Variants in ARHGAP35 observed in about 807,000 individuals in gnomAD.
The protein encoded by ARHGAP35 is rho GTPase-activating protein 35.
In ARHGAP35, 15 loss-of-function variants were observed where a neutral mutation model predicts 111.1. The ratio of observed to expected loss-of-function variants is 0.13; its 90% CI spans 0.09 to 0.21. The LOEUF (loss-of-function observed/expected upper bound fraction) is 0.21. Ranked by LOEUF, ARHGAP35 falls within the 10% of genes least tolerant of loss-of-function variation. ARHGAP35 has a pLI of 1.00. For synonymous variants in ARHGAP35, 643 were observed against 710.3 expected (o/e 0.91, Z 1.51); for missense variants, 1,262 against 1,873.0 (o/e 0.67, Z 6.02).
chr19:46,978,893 GGGGGTGTGTGTGGT>G lies in ARHGAP35; in HGVS notation c.3827-9083_3827-9070del, dbSNP rs1176224151. On this transcript the variant is annotated intron_variant, in intron 3 of 6. Coordinates refer to ENST00000672722, the MANE Select transcript of ARHGAP35 (RefSeq NM_004491.5). Reference sequence around the variant, plus strand: ...TTTGGTGGGATTGTGTGTGTGGTGTGGGGGTGTGTGTGGTGGGGTGTGTGTGTGGTGGGGTTTGT... The same window carrying G: ...TTTGGTGGGATTGTGTGTGTGGTGTGGGGGTGTGTGTGTGGTGGGGTTTGT... 4.1e-4 allele frequency among the ~76,000 whole-genome samples: 53 copies of G among 128,510 alleles called. No individual in the cohort carries two copies. In the East Asian group the frequency reaches 0.013, roughly 31 times the overall value. 84.3% of individuals were successfully genotyped at this position (128,510 alleles called of 152,430 possible).
intron 1 of ARHGAP35, among the ~76,000 whole-genome samples, chr19:46,896,311 T>A (rs1405331867): frequency 6.6e-6 from 1 of 152,012 alleles, no homozygotes; most frequent in Non-Finnish European, 1.5e-5. Context: ...GCCCGGGAGG[T>A]CAAGGCTGCA....
chr19:46,926,535 G>GA lies in ARHGAP35; in HGVS notation c.3681+4182dup, dbSNP rs2056239157. On this transcript the variant is annotated intron_variant, in intron 2 of 6. Transcript: ENST00000672722. The surrounding 1 kb of genome is among the most constrained non-coding windows in gnomAD (Gnocchi z 4.1). ...ACAAAGTATGCCTTTTGGTCATGCT[G>GA]AAATGGCTGCGTTTGGTGTGTTTGA... Among the ~76,000 whole-genome samples the GA allele has an allele frequency of 6.6e-6, 1 of 152,038 alleles. No individual in the cohort carries two copies. Among genetic ancestry groups the GA allele is most frequent in the Admixed American group, 6.6e-5 (1 of 15,264 alleles).
chr19:46,932,536 A>G (rs2056279015), intron 2 of ARHGAP35, among the ~76,000 whole-genome samples: 2 of 152,182 alleles, frequency 1.3e-5, no homozygotes, highest in Admixed American at 1.3e-4. Flanking sequence ...GGAGAATGGC[A>G]TTTCCATGAG....
At position 46,992,984 on chromosome 19, in the gene ARHGAP35, A is replaced by T. The variant is rs1808929393; in HGVS notation, c.4036+3309A>T. On this transcript the variant is annotated intron_variant, in intron 5 of 6. Transcript: ENST00000672722. The surrounding 1 kb of genome is among the most constrained non-coding windows in gnomAD (Gnocchi z 4.4). ...TTTGATCTGTCCACATAGCTGCCCG[A>T]GGGCACGGGGGTGCTTCTCACACCC... 6.6e-6 allele frequency among the ~76,000 whole-genome samples: 1 copy of T among 152,174 alleles called. No homozygotes were observed. Among genetic ancestry groups the T allele is most frequent in the Admixed American group, 6.5e-5 (1 of 15,284 alleles).
chr19:46,922,189 C>G lies in ARHGAP35; in HGVS notation c.3514C>G (p.Arg1172Gly), dbSNP rs376578973. ...CCGGCTGGGGCGGTTTGCTAGTTAC[C>G]GGACCAGCTTCAGCGTGGGGAGTGA... is the stretch of plus-strand genomic sequence containing the variant. ...CTRLGRFASY[R>G]TSFSVGSDDE... is the part of the protein sequence containing the mutation. Residue 1172 changes from arginine (R) to glycine (G), a missense_variant, in exon 2 of 7, where the codon CGG becomes GGG. Around this residue, in one of 8 missense-constraint regions of ARHGAP35, gnomAD observed 579 missense variants for 716.9 expected, o/e 0.81. Coordinates refer to ENST00000672722, the MANE Select transcript of ARHGAP35 (RefSeq NM_004491.5). The surrounding 1 kb of genome is among the most constrained non-coding windows in gnomAD (Gnocchi z 4.0). 2 of 1,613,934 alleles carry G rather than the reference C, an allele frequency of 1.2e-6. No homozygotes were observed. Among genetic ancestry groups the G allele is most frequent in the Non-Finnish European group, 1.7e-6 (2 of 1,179,888 alleles).
At chr19:46,955,157 A>T (rs1257299378) in intron 3 of ARHGAP35, among the ~76,000 whole-genome samples, 1 of 152,252 alleles carries the variant, frequency 6.6e-6, no homozygotes, top group Non-Finnish European at 1.5e-5. Context: ...CAAAAGACCC[A>T]GCCTGAGCAG....
In ARHGAP35 at chr19:46,887,889, CAG is replaced by C. The variant is rs1165687144; in HGVS notation, c.-189+26681_-189+26682del. ...GAAGCCTTCCCTGACCCACAGAAGT[CAG>C]TGTCTTGTCTGAGTTTGCCTGCTGA... On this transcript the variant is annotated intron_variant, in intron 1 of 6. Transcript: ENST00000672722. Among the ~76,000 whole-genome samples the C allele has an allele frequency of 4.2e-4, 64 of 151,664 alleles. 2 individuals carry two copies. Among genetic ancestry groups the C allele is most frequent in the Admixed American group, 4.2e-3 (64 of 15,240 alleles).
chr19:46,955,630 C>T (rs1187018770), intron 3 of ARHGAP35, among the ~76,000 whole-genome samples: 3 of 152,140 alleles, frequency 2.0e-5, no homozygotes, highest in Non-Finnish European at 2.9e-5. Context: ...TTCCATCACC[C>T]GGGCTGGAGT....
chr19:46,898,214 C>G (rs138319380), intron 1 of ARHGAP35, among the ~76,000 whole-genome samples: 1,875 of 151,328 alleles, frequency 0.012, 41 homozygotes, highest in African/African-American at 0.043. Context: ...TGCACTCCAG[C>G]CTGGCTACAA....
rs2056682283 is a variant in ARHGAP35, at chr19:46,992,095, A to G, written c.4036+2420A>G. ...ACTCAAGGTGACACGTGGGAGATTC[A>G]GAAATGAACAGCAGCAGCAACCGCA... On this transcript the variant is annotated intron_variant, in intron 5 of 6. Transcript: ENST00000672722. The surrounding 1 kb of genome is among the most constrained non-coding windows in gnomAD (Gnocchi z 4.4). Among the ~76,000 whole-genome samples the G allele has an allele frequency of 1.3e-5, 2 of 152,244 alleles. No individual in the cohort carries two copies. The highest frequency in any genetic ancestry group is 1.3e-4 in the Admixed American group (2 of 15,294).
At chr19:46,982,675 A>G (rs550586500) in intron 3 of ARHGAP35, among the ~76,000 whole-genome samples, 4 of 152,214 alleles carry the variant, frequency 2.6e-5, no homozygotes, top group African/African-American at 7.2e-5. Flanking sequence ...GCTCTGGCAC[A>G]TCTTCTAGAA....
chr19:46,988,052 G>C lies in ARHGAP35; in HGVS notation c.3890G>C (p.Arg1297Thr). ...AAGTCTGAGATGGAGAGTCTGCAGA[G>C]ACAGTTTGATCAAGGTAAAGTGCAG... ...GNKSEMESLQ[R>T]QFDQDHNLDL... is the part of the protein sequence containing the mutation. The change falls in exon 4 of 7, where the codon AGA (arginine) becomes ACA (threonine). Residue 1297 changes from arginine to threonine, a missense_variant. This residue lies in a region of ARHGAP35 where 45 missense variants were observed against 118.2 expected (regional missense o/e 0.38). Transcript: ENST00000672722. This position sits in a 1 kb window ranked among gnomAD's most constrained non-coding sequence, Gnocchi z 5.4. 1 of 1,613,866 alleles carries C rather than the reference G, an allele frequency of 6.2e-7. No individual in the cohort carries two copies. Among genetic ancestry groups the C allele is most frequent in the Non-Finnish European group, 8.5e-7 (1 of 1,179,864 alleles).
intron 3 of ARHGAP35, among the ~76,000 whole-genome samples, chr19:46,987,541 A>C (rs776647968): frequency 1.3e-5 from 2 of 152,230 alleles, no homozygotes; most frequent in African/African-American, 2.4e-5. Context: ...CAGCATGACT[A>C]TTCTTACAGT....
intron 5 of ARHGAP35, among the ~76,000 whole-genome samples, chr19:46,991,607 G>A (rs2056679685): frequency 6.6e-6 from 1 of 152,208 alleles, no homozygotes; most frequent in African/African-American, 2.4e-5. Flanking sequence ...ACGGTACTCA[G>A]CGGGGGCTCC....
chr19:46,986,656 C>T lies in ARHGAP35; in HGVS notation c.3827-1333C>T, dbSNP rs978383702. Among the ~76,000 whole-genome samples the T allele has an allele frequency of 2.4e-4, 37 of 152,112 alleles. No individual in the cohort carries two copies. The highest frequency in any genetic ancestry group is 3.4e-3 in the Middle Eastern group (1 of 292). Reference sequence around the variant, plus strand: ...AAAGGAAAAATGTAAACATATATAACGTTGATATAATTACTTAATATTCAT... The same window carrying T: ...AAAGGAAAAATGTAAACATATATAATGTTGATATAATTACTTAATATTCAT... On this transcript the variant is annotated intron_variant, in intron 3 of 6. Transcript: ENST00000672722. This position sits in a 1 kb window ranked among gnomAD's most constrained non-coding sequence, Gnocchi z 4.3.
chr19:46,881,592 C>T (rs2055962787), intron 1 of ARHGAP35, among the ~76,000 whole-genome samples: 1 of 152,306 alleles, frequency 6.6e-6, no homozygotes, highest in Non-Finnish European at 1.5e-5. Flanking sequence ...ATGCTGTAAA[C>T]AGATGTGCTG....
rs1440640346 is a variant in ARHGAP35, at chr19:46,922,176, G to C, written c.3501G>C (p.Arg1167=). ...GGACGAGATGCACCCGGCTGGGGCGGTTTGCTAGTTACCGGACCAGCTTCA... is the reference window on the plus strand; with the variant it reads ...GGACGAGATGCACCCGGCTGGGGCGCTTTGCTAGTTACCGGACCAGCTTCA... ...LYRTRCTRLG[R]FASYRTSFSV... is the part of the protein sequence containing the mutation. The change falls in exon 2 of 7, where the codon CGG becomes CGC. Residue 1167 remains arginine, a synonymous_variant. Transcript: ENST00000672722. The surrounding 1 kb of genome is among the most constrained non-coding windows in gnomAD (Gnocchi z 4.0). 1 of 1,614,034 alleles carries C rather than the reference G, an allele frequency of 6.2e-7. No homozygotes were observed. The highest frequency in any genetic ancestry group is 1.1e-5 in the South Asian group (1 of 91,086).
At chr19:46,910,184 A>G (rs2122180256) in intron 1 of ARHGAP35, among the ~76,000 whole-genome samples, 1 of 152,152 alleles carries the variant, frequency 6.6e-6, no homozygotes, top group Admixed American at 6.5e-5. Flanking sequence ...GTGATCATAG[A>G]TCACTGTAAC....
chr19:46,960,909 T>C (rs1259963109), intron 3 of ARHGAP35, among the ~76,000 whole-genome samples: 2 of 151,358 alleles, frequency 1.3e-5, no homozygotes, highest in East Asian at 1.9e-4. Context: ...TTTTTTTTTT[T>C]CAGAGACGAA....
Sources: gnomAD v4.1 joint callset for allele counts (sites outside exome capture counted in the v4.1 genomes callset) on GRCh38, gnomAD v4.1.1 for gene constraint, gnomAD v4.1.1 regional missense constraint, Gnocchi (gnomAD v3.1) non-coding constraint, MANE v1.5 for transcripts, NCBI Gene and HGNC (gene_info 2026-07-23, HGNC 2026-07-21) for gene names.